Variants in ADGRV1 observed in about 807,000 individuals in gnomAD.
ADGRV1 encodes adhesion G protein-coupled receptor V1, also known as G-protein coupled receptor 98.
In ADGRV1, 359 loss-of-function variants were observed where a neutral mutation model predicts 596.2. The ratio of observed to expected loss-of-function variants is 0.60; its 90% CI spans 0.55 to 0.66. ADGRV1 has a LOEUF of 0.66. Ranked by LOEUF, ADGRV1 falls within the 30% of genes least tolerant of loss-of-function variation. The pLI, the probability that ADGRV1 is intolerant of heterozygous loss-of-function variation, is 0.00. For synonymous variants in ADGRV1, 2,681 were observed against 2,679.2 expected (o/e 1.00, Z -0.02); for missense variants, 7,274 against 7,575.6 (o/e 0.96, Z 1.48).
chr5:90,634,018 A>G (rs16868881), intron 9 of ADGRV1, among the ~76,000 whole-genome samples: 1 of 152,214 alleles, frequency 6.6e-6, no homozygotes, highest in Non-Finnish European at 1.5e-5. Flanking sequence ...ACTTAGTGTC[A>G]TCATTTCAAT....
intron 83 of ADGRV1, among the ~76,000 whole-genome samples, chr5:90,956,611 G>C (rs1283746440): frequency 3.9e-5 from 6 of 152,108 alleles, no homozygotes; most frequent in Admixed American, 3.3e-4. Flanking sequence ...AAATGATCTT[G>C]ATGTTTCAGC....
rs549756673 is a variant in ADGRV1 at position 91,101,152 on chromosome 5, C to T, written c.18311-1067C>T. Among the ~76,000 whole-genome samples, 11 of 152,210 alleles carry T rather than the reference C, an allele frequency of 7.2e-5. No homozygotes were observed. In the South Asian group the frequency reaches 2.3e-3, roughly 32 times the overall value. On this transcript the variant is annotated intron_variant, in intron 86 of 89. Coordinates refer to ENST00000405460, the MANE Select transcript of ADGRV1 (RefSeq NM_032119.4). ...TAGGAAAATGTCTTTGTAGAAAATA[C>T]ACATTATTCAGAGGGTAATGGGGGA...
intron 87 of ADGRV1, among the ~76,000 whole-genome samples, chr5:91,128,373 G>C (rs1793942415): frequency 6.6e-6 from 1 of 152,028 alleles, no homozygotes; most frequent in Non-Finnish European, 1.5e-5. Flanking sequence ...TTATTGAGAT[G>C]TAGCCCCATC....
At chr5:90,603,422 A>G (rs1761668774) in intron 1 of ADGRV1, among the ~76,000 whole-genome samples, 1 of 152,204 alleles carries the variant, frequency 6.6e-6, no homozygotes, top group African/African-American at 2.4e-5. Flanking sequence ...AAGACAGTCC[A>G]GGATGCCCAA....
At chr5:90,985,941 C>T (rs1780455928) in intron 85 of ADGRV1, among the ~76,000 whole-genome samples, 1 of 152,080 alleles carries the variant, frequency 6.6e-6, no homozygotes, top group Non-Finnish European at 1.5e-5. Context: ...GAATACTGAA[C>T]GACTGCCTCA....
chr5:90,633,189 C>A (rs2149395523), intron 9 of ADGRV1, among the ~76,000 whole-genome samples: 1 of 152,126 alleles, frequency 6.6e-6, no homozygotes, highest in Non-Finnish European at 1.5e-5. Flanking sequence ...GCAGATGGAA[C>A]CCAGACAGAC....
At position 90,645,954 on chromosome 5, in the gene ADGRV1, A is replaced by G. The variant is rs775180050; in HGVS notation, c.2899-14A>G. 3 of 1,577,700 alleles carry G rather than the reference A, an allele frequency of 1.9e-6. No homozygotes were observed. Among genetic ancestry groups the G allele is most frequent in the Non-Finnish European group, 2.6e-6 (3 of 1,161,578 alleles). On this transcript the variant is annotated splice_polypyrimidine_tract_variant and intron_variant, in intron 15 of 89. Transcript: ENST00000405460. ...ATAAGTCACCTGACTTAAAACGTGT[A>G]ACATTTTCCAAAGATTCCAGAAGAA... is the stretch of plus-strand genomic sequence containing the variant.
intron 22 of ADGRV1, 29 bp from the exon 23 acceptor site, chr5:90,674,025 T>A: frequency 1.3e-6 from 2 of 1,539,844 alleles, no homozygotes; most frequent in African/African-American, 1.4e-5. Context: ...GCCTCATTGC[T>A]TAGTGCCTCT....
At chr5:91,132,563 A>C (rs534907000) in intron 87 of ADGRV1, among the ~76,000 whole-genome samples, 1 of 152,342 alleles carries the variant, frequency 6.6e-6, no homozygotes, top group Non-Finnish European at 1.5e-5. Context: ...AATCACACAA[A>C]TATTGTTATA....
chr5:90,560,024 A>C lies in ADGRV1; in HGVS notation c.22+1107A>C, dbSNP rs975070664. Among the ~76,000 whole-genome samples, 4 of 152,300 alleles carry C rather than the reference A, an allele frequency of 2.6e-5. No individual in the cohort carries two copies. In the East Asian group the frequency reaches 5.8e-4, roughly 22 times the overall value. ...CGCCTATATAATTTGAGAAAAATGT[A>C]GGTTACAGGGAGATGTCAAATAGAC... On this transcript the variant is annotated intron_variant, in intron 1 of 89. Coordinates refer to ENST00000405460, the MANE Select transcript of ADGRV1 (RefSeq NM_032119.4).
At chr5:90,784,831 A>G (rs1409794905) in intron 67 of ADGRV1, among the ~76,000 whole-genome samples, 2 of 152,204 alleles carry the variant, frequency 1.3e-5, no homozygotes, top group Non-Finnish European at 2.9e-5. Flanking sequence ...TATAGTGAAA[A>G]TGGCCATACT....
chr5:91,025,976 G>C (rs1216271465), intron 85 of ADGRV1, among the ~76,000 whole-genome samples: 1 of 152,088 alleles, frequency 6.6e-6, no homozygotes, highest in African/African-American at 2.4e-5. Flanking sequence ...GTCTAATAAT[G>C]ACGGTAATAC....
chr5:90,597,986 AAT>A (rs1760916968), intron 1 of ADGRV1, among the ~76,000 whole-genome samples: 1 of 152,246 alleles, frequency 6.6e-6, no homozygotes, highest in Admixed American at 6.5e-5. Context: ...AATCTGATGC[AAT>A]AATGAAAGCA....
chr5:90,825,010 C>T (rs921600967), intron 76 of ADGRV1, among the ~76,000 whole-genome samples: 1 of 151,952 alleles, frequency 6.6e-6, no homozygotes, highest in Admixed American at 6.6e-5. Context: ...GATCTCGGCT[C>T]ACTGCAACTT....
chr5:90,629,608 T>G, intron 9 of ADGRV1, 69 bp downstream of exon 9: 1 of 1,075,696 alleles, frequency 9.3e-7, no homozygotes, highest in South Asian at 1.6e-5. Context: ...GTGAAAGAAT[T>G]AACTGAACAT....
At chr5:90,784,113 A>C in intron 67 of ADGRV1, 56 bp downstream of exon 67, 1 of 1,151,058 alleles carries the variant, frequency 8.7e-7, no homozygotes, top group Admixed American at 2.6e-5. Flanking sequence ...TGAGTATGGT[A>C]GTGTGTTTTC....
At chr5:90,873,745 T>G (rs982158748) in intron 83 of ADGRV1, among the ~76,000 whole-genome samples, 3 of 151,300 alleles carry the variant, frequency 2.0e-5, no homozygotes, top group African/African-American at 7.3e-5. Context: ...CAGTGAGCTG[T>G]GATCACGCCA....
chr5:90,995,932 T>G (rs1260426682), intron 85 of ADGRV1, among the ~76,000 whole-genome samples: 1 of 152,132 alleles, frequency 6.6e-6, no homozygotes, highest in East Asian at 1.9e-4. Context: ...GAAGAGAAAT[T>G]TTTAAGCAGC....
rs1222178593 is a variant in ADGRV1, at chr5:90,635,049, A to T, written c.1840-65A>T. The T allele has an allele frequency of 2.9e-6, 3 of 1,048,552 alleles. No individual in the cohort carries two copies. In the East Asian group the frequency reaches 7.8e-5, roughly 27 times the overall value. The allele number at this position is 1,048,552 out of a possible 1,614,324, so 65.0% of individuals were successfully genotyped here. On this transcript the variant is annotated intron_variant, in intron 9 of 89. Transcript: ENST00000405460. ...GCTTACTTTGTCACCCCATGCTGTT[A>T]AGCTTTTTTAAAAAATTTATATTCT...
Sources: allele counts gnomAD v4.1 joint callset (sites outside exome capture counted in the v4.1 genomes callset), GRCh38; gene constraint gnomAD v4.1.1; transcripts MANE v1.5; gene names NCBI Gene and HGNC (gene_info 2026-07-23, HGNC 2026-07-21).